The following NAV3 variants were observed in gnomAD, a reference collection of about 807,000 sequenced individuals.
The protein encoded by NAV3 is neuron navigator 3, also known as pore membrane and/or filament interacting like protein 1.
In NAV3, 87 loss-of-function variants were observed where a neutral mutation model predicts 244.7. The ratio of observed to expected loss-of-function variants is 0.36; its 90% CI spans 0.30 to 0.42. The LOEUF is 0.42. Among genes scored for constraint, NAV3 ranks in the 20% least tolerant of loss-of-function variants. The probability of loss-of-function intolerance (pLI) is 1.00; values close to 1 mark genes in which losing one functional copy is unlikely to be tolerated. For missense variants in NAV3, 2,663 were observed against 2,893.3 expected (o/e 0.92, Z 1.83); for synonymous variants, 1,126 against 1,042.2 (o/e 1.08, Z -1.55).
At chr12:77,682,405 G>A (rs1267345090) in intron 2 of NAV3, among the ~76,000 whole-genome samples, 1 of 152,070 alleles carries the variant, frequency 6.6e-6, no homozygotes, top group Non-Finnish European at 1.5e-5. Context: ...TTTATATGTT[G>A]ATGGATACTT....
Position 77,976,942 on chromosome 12 carries a change from T to C in NAV3, c.671+8240T>C, listed in dbSNP as rs935028101. 2.6e-5 allele frequency among the ~76,000 whole-genome samples: 4 copies of C among 152,140 alleles called. 1 individual carries two copies. The highest frequency in any genetic ancestry group is 5.9e-5 in the Non-Finnish European group (4 of 68,024). On this transcript the variant is annotated intron_variant, in intron 5 of 39. Coordinates refer to ENST00000397909, the MANE Select transcript of NAV3 (RefSeq NM_001024383.2). ...TGCCTGCCTCGGCCTCCCAAAGTTC[T>C]GGGATTACAGGCGTGAGCCACCACA...
At chr12:77,928,422 A>T (rs778492215) in intron 1 of NAV3, among the ~76,000 whole-genome samples, 2 of 152,080 alleles carry the variant, frequency 1.3e-5, no homozygotes, top group Non-Finnish European at 2.9e-5. Context: ...GATGGAGGAA[A>T]GATGAGGCAG....
intron 2 of NAV3, among the ~76,000 whole-genome samples, chr12:77,646,347 A>T (rs1427527116): frequency 1.3e-5 from 2 of 152,178 alleles, no homozygotes; most frequent in Admixed American, 1.3e-4. Flanking sequence ...CCAGCACTGT[A>T]ATCCAGCCTT....
At chr12:78,177,546 T>C (rs1958289632) in intron 27 of NAV3, 74 bp from the exon 28 acceptor site, 1 of 1,409,510 alleles carries the variant, frequency 7.1e-7, no homozygotes, top group Non-Finnish European at 9.8e-7. Flanking sequence ...CATTCTCCAG[T>C]TTTCTGAATC....
chr12:77,777,968 G>A (rs1870453948), intron 2 of NAV3, among the ~76,000 whole-genome samples: 1 of 151,912 alleles, frequency 6.6e-6, no homozygotes, highest in Non-Finnish European at 1.5e-5. Flanking sequence ...ACAATAATGG[G>A]CTAATTTTTT....
chr12:78,177,127 T>A lies in NAV3; in HGVS notation c.5125-14T>A. The A allele has an allele frequency of 6.2e-7, 1 of 1,613,040 alleles. No individual in the cohort carries two copies. Among genetic ancestry groups the A allele is most frequent in the African/African-American group, 1.3e-5 (1 of 74,960 alleles). ...GCAAATAGACAAGAAGGGTAATTTC[T>A]GTCCTTGTTTCAGCTGAGAAGTTCT... On this transcript the variant is annotated splice_polypyrimidine_tract_variant and intron_variant, in intron 26 of 39. Coordinates refer to ENST00000397909, the MANE Select transcript of NAV3 (RefSeq NM_001024383.2).
intron 2 of NAV3, among the ~76,000 whole-genome samples, chr12:77,670,979 G>C (rs1450992496): frequency 6.6e-6 from 1 of 152,094 alleles, no homozygotes; most frequent in Non-Finnish European, 1.5e-5. Context: ...ATCCAGATAA[G>C]TAAAGAGGAA....
Position 78,118,245 on chromosome 12 carries a change from A to G in NAV3, c.2988A>G (p.Gln996=). The change falls in exon 14 of 40, where the codon CAA becomes CAG. Residue 996 remains glutamine (Q), a synonymous_variant. Coordinates refer to ENST00000397909, the MANE Select transcript of NAV3 (RefSeq NM_001024383.2). Reference sequence around the variant, plus strand: ...CCTGGAGAAGAGGCATGTCTGCCCAAGGAGGGGCGCCATCTAGGCAGAAAG... The same window carrying G: ...CCTGGAGAAGAGGCATGTCTGCCCAGGGAGGGGCGCCATCTAGGCAGAAAG... ...TGSWRRGMSA[Q]GGAPSRQKAG... The G allele has an allele frequency of 6.2e-7, 1 of 1,613,272 alleles. No individual in the cohort carries two copies. The highest frequency in any genetic ancestry group is 8.5e-7 in the Non-Finnish European group (1 of 1,179,338).
chr12:77,600,716 G>A (rs1027870577), intron 2 of NAV3, among the ~76,000 whole-genome samples: 1 of 151,908 alleles, frequency 6.6e-6, no homozygotes, highest in Non-Finnish European at 1.5e-5. Flanking sequence ...TAGAAACATG[G>A]TCAGAGAGGG....
chr12:78,030,587 G>GTATT (rs570456017), intron 9 of NAV3, among the ~76,000 whole-genome samples: 131 of 152,232 alleles, frequency 8.6e-4, no homozygotes, highest in African/African-American at 2.9e-3. Context: ...GTGAGGTATG[G>GTATT]TATTATTCCT....
In NAV3 at chr12:77,831,381, T is replaced by C. The variant is rs1179047315; in HGVS notation, c.-81T>C. On this transcript the variant is annotated 5_prime_UTR_variant, in exon 1 of 40. Transcript: ENST00000397909. ...CTAGTTTTGTTTAAAGTATTTGTTC[T>C]GGAAATACTAAAGTTGGAGTCTACC... The C allele has an allele frequency of 1.2e-5, 17 of 1,396,730 alleles. No homozygotes were observed. The highest frequency in any genetic ancestry group is 1.6e-5 in the Non-Finnish European group (17 of 1,045,846). The allele number at this position is 1,396,730 out of a possible 1,614,324, so 86.5% of individuals were successfully genotyped here.
chr12:78,187,044 C>T (rs1188139171), intron 31 of NAV3, among the ~76,000 whole-genome samples: 1 of 151,848 alleles, frequency 6.6e-6, no homozygotes, highest in Non-Finnish European at 1.5e-5. Flanking sequence ...CTCCTAATAC[C>T]ATCAATTTGG....
intron 5 of NAV3, among the ~76,000 whole-genome samples, chr12:77,993,673 A>G (rs1871829273): frequency 6.7e-6 from 1 of 150,254 alleles, no homozygotes; most frequent in African/African-American, 2.5e-5. Flanking sequence ...AATTTAGTAA[A>G]CACATCATCA....
rs777802070 is a variant in NAV3, at chr12:77,793,479, C to G, written c.73-146840C>G. Among the ~76,000 whole-genome samples the G allele has an allele frequency of 1.4e-4, 21 of 152,102 alleles. 1 individual carries two copies. Among genetic ancestry groups the G allele is most frequent in the Non-Finnish European group, 2.8e-4 (19 of 68,032 alleles). ...TAATGCTTTCCCTCCACTTGCCCCC[C>G]ACACCCTGACAGGCCCTCTTGTTTG... On this transcript the variant is annotated intron_variant, in intron 2 of 8. Transcript: ENST00000550042.
At chr12:78,047,985 C>A (rs1215240678) in intron 9 of NAV3, among the ~76,000 whole-genome samples, 3 of 152,098 alleles carry the variant, frequency 2.0e-5, no homozygotes, top group Non-Finnish European at 4.4e-5. Context: ...ATCCTTCCTT[C>A]CCCTCTATCT....
intron 18 of NAV3, among the ~76,000 whole-genome samples, chr12:78,134,976 G>A (rs1956311734): frequency 6.6e-6 from 1 of 151,994 alleles, no homozygotes; most frequent in South Asian, 2.1e-4. Context: ...AAATTCTTGT[G>A]TGTCTCTTGG....
At chr12:78,170,112 C>G (rs1398728484) in intron 24 of NAV3, among the ~76,000 whole-genome samples, 1 of 151,642 alleles carries the variant, frequency 6.6e-6, no homozygotes, top group Non-Finnish European at 1.5e-5. Context: ...GTCTCCAGGC[C>G]AGGCTCTGTA....
intron 9 of NAV3, among the ~76,000 whole-genome samples, chr12:78,046,975 C>T (rs1218452067): frequency 6.6e-6 from 1 of 152,180 alleles, no homozygotes; most frequent in Non-Finnish European, 1.5e-5. Context: ...GATCCCCTTA[C>T]CATTATGCAA....
chr12:78,160,848 T>C (rs1277868242), intron 23 of NAV3, among the ~76,000 whole-genome samples: 1 of 151,528 alleles, frequency 6.6e-6, no homozygotes, highest in East Asian at 1.9e-4. Flanking sequence ...CTTTCTTTCC[T>C]CCCTCCCTCC....
Sources: allele counts gnomAD v4.1 joint callset (sites outside exome capture counted in the v4.1 genomes callset), GRCh38; gene constraint gnomAD v4.1.1; transcripts MANE v1.5; gene names NCBI Gene and HGNC (gene_info 2026-07-23, HGNC 2026-07-21).